Variants in WDFY3 observed in about 807,000 individuals in gnomAD.
The protein encoded by WDFY3 is WD repeat and FYVE domain-containing protein 3.
WDFY3 carries 66 observed loss-of-function variants against 409.6 expected under a neutral mutation model. That is an observed-to-expected ratio of 0.16 (90% CI 0.13 to 0.20). WDFY3 has a LOEUF of 0.20. Among genes scored for constraint, WDFY3 ranks in the 10% least tolerant of loss-of-function variants. The pLI, the probability that WDFY3 is intolerant of heterozygous loss-of-function variation, is 1.00. For missense variants in WDFY3, 3,031 were observed against 4,298.1 expected (o/e 0.71, Z 8.24); for synonymous variants, 1,521 against 1,537.1 (o/e 0.99, Z 0.25).
At position 84,774,919 on chromosome 4, in the gene WDFY3, G is replaced by C. The variant is rs1360573591; in HGVS notation, c.4655C>G (p.Thr1552Ser). Residue 1552 changes from threonine to serine, a missense_variant, in exon 29 of 68, where the codon ACT (threonine) becomes AGT (serine). By Grantham distance (58) the Thr-to-Ser change is moderately conservative. Around this residue, in one of 16 missense-constraint regions of WDFY3, gnomAD observed 342 missense variants for 463.7 expected, o/e 0.74. Coordinates refer to ENST00000295888, the MANE Select transcript of WDFY3 (RefSeq NM_014991.6). ...EFQLIPKLLLTLRDMSLSQPT... is the reference protein window; with the variant it reads ...EFQLIPKLLLSLRDMSLSQPT... ...CTGGGATAAAGACATATCTCGAAGAGTCAGGAGCAGCTTTGGGATTAACTG... is the reference window on the plus strand; with the variant it reads ...CTGGGATAAAGACATATCTCGAAGACTCAGGAGCAGCTTTGGGATTAACTG... 1 of 1,613,996 alleles carries C rather than the reference G, an allele frequency of 6.2e-7. No homozygotes were observed. The highest frequency in any genetic ancestry group is 8.5e-7 in the Non-Finnish European group (1 of 1,179,920).
intron 1 of WDFY3, among the ~76,000 whole-genome samples, chr4:84,947,699 CCCA>C (rs1304107884): frequency 1.9e-4 from 27 of 145,622 alleles, no homozygotes; most frequent in African/African-American, 6.6e-4. Context: ...ATCAAAAAAC[CCCA>C]CATCTACCAA....
chr4:84,852,129 A>T (rs1560925827), intron 4 of WDFY3, among the ~76,000 whole-genome samples: 2 of 152,164 alleles, frequency 1.3e-5, no homozygotes, highest in Admixed American at 1.3e-4. Context: ...TGGGGCCATT[A>T]TTAAGGAAAA....
chr4:84,788,225 C>A (rs564133796), intron 22 of WDFY3, among the ~76,000 whole-genome samples: 1 of 152,098 alleles, frequency 6.6e-6, no homozygotes, highest in Non-Finnish European at 1.5e-5. Context: ...GCTGAAGCAG[C>A]TTAATGGGAT....
At chr4:84,825,604 G>A in intron 10 of WDFY3, among the ~76,000 whole-genome samples, 1 of 151,806 alleles carries the variant, frequency 6.6e-6, no homozygotes, top group East Asian at 1.9e-4. Context: ...TCATTTAAAA[G>A]GTTCTAAACA....
intron 62 of WDFY3, among the ~76,000 whole-genome samples, chr4:84,687,425 G>A (rs759113361): frequency 4.0e-4 from 61 of 152,122 alleles, no homozygotes; most frequent in Non-Finnish European, 7.5e-4. Context: ...TTACAGGCAT[G>A]AGCCACCATG....
intron 55 of WDFY3, 32 bp from the exon 56 acceptor site, chr4:84,702,538 AGAAC>A: frequency 6.5e-7 from 1 of 1,534,168 alleles, no homozygotes; most frequent in Non-Finnish European, 8.8e-7. Flanking sequence ...TCTCTATTAG[AGAAC>A]CGTTCCCACC....
chr4:84,909,030 ACACACACACACACACACG>A (rs1008882309), intron 2 of WDFY3, among the ~76,000 whole-genome samples: 105 of 127,878 alleles, frequency 8.2e-4, no homozygotes, highest in African/African-American at 3.3e-3. Flanking sequence ...ACGTATCCAT[ACACACACACACACACACG>A]CACACACACA....
At chr4:84,949,085 A>C in intron 1 of WDFY3, among the ~76,000 whole-genome samples, 1 of 152,288 alleles carries the variant, frequency 6.6e-6, no homozygotes, top group East Asian at 1.9e-4. Flanking sequence ...TGACCTTAAC[A>C]TGCAGCACTA....
At chr4:84,795,038 T>C (rs1749146932) in intron 19 of WDFY3, 59 bp from the exon 20 acceptor site, 11 of 1,214,456 alleles carry the variant, frequency 9.1e-6, no homozygotes, top group Non-Finnish European at 1.1e-5. Context: ...CTTAACACTG[T>C]GCACTTACCA....
At chr4:84,849,298 C>T (rs938257787) in intron 5 of WDFY3, among the ~76,000 whole-genome samples, 2 of 151,878 alleles carry the variant, frequency 1.3e-5, no homozygotes, top group Non-Finnish European at 2.9e-5. Context: ...GACACATGCA[C>T]AATGACCACC....
intron 63 of WDFY3, chr4:84,682,855 G>T: frequency 6.0e-6 from 1 of 167,630 alleles, no homozygotes; most frequent in South Asian, 1.5e-4. Flanking sequence ...AGCAGTGCAT[G>T]CTTGTAATTC....
At chr4:84,927,918 T>C (rs1770219254) in intron 2 of WDFY3, among the ~76,000 whole-genome samples, 1 of 152,234 alleles carries the variant, frequency 6.6e-6, no homozygotes, top group Non-Finnish European at 1.5e-5. Flanking sequence ...TCTCAATGCT[T>C]CAGCAGGCAT....
At chr4:84,876,407 G>C (rs1032851292) in intron 3 of WDFY3, among the ~76,000 whole-genome samples, 6 of 152,130 alleles carry the variant, frequency 3.9e-5, no homozygotes, top group African/African-American at 1.4e-4. Flanking sequence ...CTGTGTGTAA[G>C]ATTCCTTATC....
intron 13 of WDFY3, among the ~76,000 whole-genome samples, chr4:84,813,988 A>G (rs1752899793): frequency 6.6e-6 from 1 of 152,226 alleles, no homozygotes; most frequent in Non-Finnish European, 1.5e-5. Flanking sequence ...ATATGACAGC[A>G]TAAGGAAAGA....
At chr4:84,929,836 A>G (rs1325212891) in intron 2 of WDFY3, among the ~76,000 whole-genome samples, 1 of 151,966 alleles carries the variant, frequency 6.6e-6, no homozygotes. Flanking sequence ...GCTTGAACCC[A>G]GGAGGCGGAG....
intron 5 of WDFY3, among the ~76,000 whole-genome samples, chr4:84,849,194 A>T (rs1758525226): frequency 6.6e-6 from 1 of 152,108 alleles, no homozygotes; most frequent in South Asian, 2.1e-4. Flanking sequence ...GTGAATAGTG[A>T]TGTTAAAATG....
chr4:84,800,829 T>C (rs956871723), intron 17 of WDFY3, among the ~76,000 whole-genome samples: 3 of 152,104 alleles, frequency 2.0e-5, no homozygotes, highest in Non-Finnish European at 4.4e-5. Flanking sequence ...TTCACGCTCC[T>C]ATGAGTATCT....
chr4:84,736,011 CATAAGAAA>C (rs1291231805), intron 42 of WDFY3, among the ~76,000 whole-genome samples, 151 bp downstream of exon 42: 1 of 152,136 alleles, frequency 6.6e-6, no homozygotes, highest in Non-Finnish European at 1.5e-5. Context: ...ATAGTTTTAT[CATAAGAAA>C]ATGAGAGAAA....
intron 7 of WDFY3, among the ~76,000 whole-genome samples, chr4:84,832,414 A>G (rs563448823): frequency 1.1e-4 from 17 of 152,298 alleles, no homozygotes; most frequent in Non-Finnish European, 1.9e-4. Flanking sequence ...AGTGTTCTAT[A>G]GCACTATAGA....
Sources: allele counts gnomAD v4.1 joint callset (sites outside exome capture counted in the v4.1 genomes callset), GRCh38; gene constraint gnomAD v4.1.1; regional missense constraint gnomAD v4.1.1; transcripts MANE v1.5; gene names NCBI Gene and HGNC (gene_info 2026-07-23, HGNC 2026-07-21).